The following NHSL2 variants were observed in gnomAD, a reference collection of about 807,000 sequenced individuals.
The protein encoded by NHSL2 is NHS-like protein 2.
In NHSL2, 27 loss-of-function variants were observed where a neutral mutation model predicts 53.4. The ratio of observed to expected loss-of-function variants is 0.51; its 90% confidence interval spans 0.37 to 0.70. The LOEUF (loss-of-function observed/expected upper bound fraction) is 0.70, where lower values mean the gene tolerates loss of function less well. NHSL2 is among the 30% of genes least tolerant of loss of function. NHSL2 has a pLI of 0.00. For missense variants in NHSL2, 892 were observed against 980.1 expected, an observed-to-expected ratio of 0.91 and a Z score of 1.20; for synonymous variants, 408 against 404.1, an observed-to-expected ratio of 1.01 and a Z score of -0.12.
chrX:72,032,418 A>T (rs375430025), intron 1 of NHSL2, among the ~76,000 whole-genome samples: 3 of 110,679 alleles, frequency 2.7e-5, no homozygotes, highest in East Asian at 2.8e-4. Flanking sequence ...AATAATAAAA[A>T]GGAGATGCAG....
chrX:71,969,373 C>T (rs113614203), intron 1 of NHSL2, among the ~76,000 whole-genome samples: 3,507 of 96,272 alleles, frequency 0.036, 162 homozygotes, highest in African/African-American at 0.13. Flanking sequence ...AGTGCAATGG[C>T]GCAATCTTGG....
intron 1 of NHSL2, among the ~76,000 whole-genome samples, chrX:72,083,655 A>G (rs1179161513): frequency 5.3e-5 from 6 of 112,346 alleles, no homozygotes; most frequent in Non-Finnish European, 7.5e-5. Flanking sequence ...TATGGTTTCC[A>G]TATAGAATTT....
chrX:72,127,410 C>T (rs1409921809), intron 1 of NHSL2: 2 of 110,751 alleles, frequency 1.8e-5, no homozygotes, highest in East Asian at 2.9e-4. Context: ...GAAGCCCAAG[C>T]CCCTCCTGCC....
intron 1 of NHSL2, among the ~76,000 whole-genome samples, chrX:72,118,300 C>A (rs958308975): frequency 8.9e-6 from 1 of 112,081 alleles, no homozygotes; most frequent in Non-Finnish European, 1.9e-5. Flanking sequence ...TGTTCAGATC[C>A]TTTGCCCATT....
chrX:72,053,036 G>A (rs1018698558), intron 1 of NHSL2, among the ~76,000 whole-genome samples: 2 of 112,081 alleles, frequency 1.8e-5, no homozygotes, highest in African/African-American at 3.3e-5. Flanking sequence ...TTGCCCAGTC[G>A]GATTGGCACC....
chrX:71,917,307 C>T (rs1200598038), intron 1 of NHSL2, among the ~76,000 whole-genome samples: 1 of 93,423 alleles, frequency 1.1e-5, no homozygotes, highest in Non-Finnish European at 2.1e-5. Flanking sequence ...CCATTCCCTT[C>T]CTCCCTCCCT....
chrX:71,949,432 A>G (rs1015035718), intron 1 of NHSL2, among the ~76,000 whole-genome samples: 1 of 111,665 alleles, frequency 9.0e-6, no homozygotes, highest in Non-Finnish European at 1.9e-5. Context: ...GGATGAGTCC[A>G]GACAACCTCT....
chrX:72,003,530 A>G (rs2042081032), intron 1 of NHSL2, among the ~76,000 whole-genome samples: 1 of 111,356 alleles, frequency 9.0e-6, no homozygotes, highest in Admixed American at 9.5e-5. Context: ...CTCTATTCCT[A>G]CAAGTATGGC....
intron 1 of NHSL2, among the ~76,000 whole-genome samples, chrX:72,018,606 G>A (rs1244025412): frequency 5.3e-5 from 6 of 112,880 alleles, no homozygotes; most frequent in Non-Finnish European, 9.4e-5. Flanking sequence ...TGCGGAGGCG[G>A]CGAGCCTGCG....
At chrX:72,104,297 T>C (rs1457572888) in intron 1 of NHSL2, among the ~76,000 whole-genome samples, 1 of 112,913 alleles carries the variant, frequency 8.9e-6, no homozygotes, top group African/African-American at 3.2e-5. Context: ...ATTACTATGT[T>C]GCAAATTTTA....
intron 1 of NHSL2, among the ~76,000 whole-genome samples, chrX:71,938,466 A>C (rs1031837653): frequency 1.8e-5 from 2 of 112,065 alleles, no homozygotes; most frequent in African/African-American, 3.2e-5. Context: ...CCCATGCATG[A>C]TTGCTCAGAT....
chrX:72,013,349 T>C (rs1366586441), intron 1 of NHSL2, among the ~76,000 whole-genome samples: 1 of 111,981 alleles, frequency 8.9e-6, no homozygotes. Context: ...TGCTAGTATA[T>C]AGAAATACAA....
At chrX:71,998,599 A>C (rs1326231390) in intron 1 of NHSL2, among the ~76,000 whole-genome samples, 1 of 111,442 alleles carries the variant, frequency 9.0e-6, no homozygotes, top group Middle Eastern at 4.2e-3. Context: ...GGCTGGAGAG[A>C]AGGGGGCTAT....
At chrX:71,944,834 C>A (rs966578483) in intron 1 of NHSL2, among the ~76,000 whole-genome samples, 1 of 112,015 alleles carries the variant, frequency 8.9e-6, no homozygotes, top group African/African-American at 3.2e-5. Context: ...ATAGAAACAA[C>A]CCAAACAGCC....
At chrX:71,921,733 T>C (rs761989505) in intron 1 of NHSL2, among the ~76,000 whole-genome samples, 4 of 111,681 alleles carry the variant, frequency 3.6e-5, no homozygotes, top group Admixed American at 1.9e-4. Context: ...CATCGGAGTA[T>C]AGGCAAGAGG....
intron 1 of NHSL2, among the ~76,000 whole-genome samples, chrX:72,048,111 TAAA>T (rs2042315937): frequency 3.7e-5 from 4 of 107,483 alleles, no homozygotes; most frequent in African/African-American, 1.4e-4. Flanking sequence ...ATAATAATAA[TAAA>T]GCAACATTTT....
chrX:72,085,361 C>G (rs1177805080), intron 1 of NHSL2, among the ~76,000 whole-genome samples: 1 of 112,537 alleles, frequency 8.9e-6, no homozygotes, highest in African/African-American at 3.2e-5. Flanking sequence ...CCTTTATTTT[C>G]TTAACCTGCC....
chrX:71,912,169 CA>C (rs1348310828), intron 1 of NHSL2, among the ~76,000 whole-genome samples: 12 of 112,818 alleles, frequency 1.1e-4, no homozygotes, highest in African/African-American at 3.9e-4. Flanking sequence ...CCTCACTGAG[CA>C]CGCGGGACGT....
chrX:72,036,868 C>G (rs2042244034), intron 1 of NHSL2, among the ~76,000 whole-genome samples: 1 of 111,219 alleles, frequency 9.0e-6, no homozygotes, highest in African/African-American at 3.3e-5. Context: ...CTTTGGTGAG[C>G]TTTCCTATTT....
Sources: allele counts gnomAD v4.1 joint callset (sites outside exome capture counted in the v4.1 genomes callset), GRCh38; gene constraint gnomAD v4.1.1; transcripts MANE v1.5; gene names NCBI Gene and HGNC (gene_info 2026-07-23, HGNC 2026-07-21).